FBXW8: variants seen among roughly 807,000 people sequenced by gnomAD.
FBXW8 encodes F-box/WD repeat-containing protein 8.
FBXW8 carries 57 observed loss-of-function variants against 65.3 expected under a neutral mutation model. The observed-to-expected ratio is 0.87, with a 90% CI of 0.71 to 1.09. The LOEUF is 1.09. FBXW8 is among the 50% of genes least tolerant of loss of function. FBXW8 has a pLI of 0.00. For missense variants in FBXW8, 777 were observed against 814.8 expected (o/e 0.95, Z 0.57); for synonymous variants, 308 against 330.2 (o/e 0.93, Z 0.73).
At chr12:116,912,314 C>T (rs551206574) in intron 1 of FBXW8, among the ~76,000 whole-genome samples, 59 of 151,970 alleles carry the variant, frequency 3.9e-4, no homozygotes, top group Non-Finnish European at 7.7e-4. Flanking sequence ...CAGCATCCCG[C>T]GTAGCTGGGA....
intron 5 of FBXW8, among the ~76,000 whole-genome samples, chr12:116,982,186 T>C (rs1057246301): frequency 2.6e-5 from 4 of 152,174 alleles, no homozygotes; most frequent in African/African-American, 9.7e-5. Context: ...CCCAACCTTA[T>C]GAATAATCAC....
intron 7 of FBXW8, among the ~76,000 whole-genome samples, chr12:117,005,497 G>A (rs1953653669): frequency 6.6e-6 from 1 of 152,218 alleles, no homozygotes; most frequent in African/African-American, 2.4e-5. Flanking sequence ...GTGGTGCTTG[G>A]TAATAGTGCT....
chr12:116,926,903 A>G (rs1265108651), intron 1 of FBXW8, among the ~76,000 whole-genome samples: 1 of 152,172 alleles, frequency 6.6e-6, no homozygotes, highest in Non-Finnish European at 1.5e-5. Flanking sequence ...GGTAGGGTCT[A>G]AATCAGTGCT....
chr12:117,024,290 T>C lies in FBXW8; in HGVS notation c.1511T>C (p.Met504Thr), dbSNP rs143179786. 2.0e-5 allele frequency: 32 copies of C among 1,614,198 alleles called. No individual in the cohort carries two copies. The African/African-American group carries it at 3.7e-4, about 19-fold the overall frequency. ...CTGGTGTCCGTGTGGGATTATCGGATGAACCAGAAGCTGTGGGAGGTGTAT... is the reference window on the plus strand; with the variant it reads ...CTGGTGTCCGTGTGGGATTATCGGACGAACCAGAAGCTGTGGGAGGTGTAT... Reference protein sequence around the residue: ...EGLVSVWDYRMNQKLWEVYSG... With the variant: ...EGLVSVWDYRTNQKLWEVYSG... Residue 504 changes from methionine (M) to threonine (T), a missense_variant, in exon 9 of 11, where the codon ATG (methionine) becomes ACG (threonine). Physicochemically the swap from Met to Thr is moderately conservative, Grantham distance 81 (BLOSUM62 -1). Coordinates refer to ENST00000652555, the MANE Select transcript of FBXW8 (RefSeq NM_153348.3).
intron 1 of FBXW8, among the ~76,000 whole-genome samples, chr12:116,920,370 T>C (rs911224547): frequency 1.3e-5 from 2 of 152,220 alleles, no homozygotes; most frequent in African/African-American, 4.8e-5. Context: ...GTCTTCTTGG[T>C]ACCAGCCACT....
At chr12:116,921,969 A>C (rs1880947586) in intron 1 of FBXW8, among the ~76,000 whole-genome samples, 1 of 151,764 alleles carries the variant, frequency 6.6e-6, no homozygotes, top group Admixed American at 6.6e-5. Context: ...CTGGAACTAC[A>C]GGTGCATGCC....
intron 4 of FBXW8, 116 bp from the exon 5 acceptor site, chr12:116,964,581 T>G: frequency 8.4e-7 from 1 of 1,184,978 alleles, no homozygotes; most frequent in South Asian, 1.4e-5. Flanking sequence ...GCCTCAGCAG[T>G]GGCTCTACAC....
chr12:116,931,783 T>G, intron 2 of FBXW8, among the ~76,000 whole-genome samples: 1 of 152,190 alleles, frequency 6.6e-6, no homozygotes, highest in East Asian at 1.9e-4. Context: ...TGTTTATGTT[T>G]ATATTGTCTG....
chr12:116,918,982 A>G (rs947265513), intron 1 of FBXW8, among the ~76,000 whole-genome samples: 19 of 152,258 alleles, frequency 1.2e-4, no homozygotes, highest in Admixed American at 1.0e-3. Context: ...TTTCCTATAT[A>G]CACAGAGCAA....
intron 7 of FBXW8, among the ~76,000 whole-genome samples, chr12:117,005,590 G>A (rs1051725683): frequency 3.9e-5 from 6 of 152,342 alleles, no homozygotes; most frequent in African/African-American, 1.4e-4. Context: ...AGAGCCGGAA[G>A]AAGATAAGAC....
intron 7 of FBXW8, among the ~76,000 whole-genome samples, chr12:117,008,890 C>T (rs931364315): frequency 1.3e-5 from 2 of 152,112 alleles, no homozygotes; most frequent in African/African-American, 4.8e-5. Flanking sequence ...CACTTGAGGT[C>T]AGGAGATCGA....
intron 1 of FBXW8, among the ~76,000 whole-genome samples, chr12:116,920,779 G>A (rs547040105): frequency 6.6e-5 from 10 of 152,238 alleles, no homozygotes; most frequent in Admixed American, 2.0e-4. Flanking sequence ...TGACCAACAG[G>A]CCCCCCAAAT....
chr12:116,979,126 T>C (rs1400661389), intron 5 of FBXW8: 1 of 152,270 alleles, frequency 6.6e-6, no homozygotes, highest in Admixed American at 6.5e-5. Context: ...CAAGTACCAT[T>C]AGACAGAGGT....
At chr12:116,970,194 A>T (rs1884568040) in intron 5 of FBXW8, among the ~76,000 whole-genome samples, 1 of 152,070 alleles carries the variant, frequency 6.6e-6, no homozygotes, top group Non-Finnish European at 1.5e-5. Context: ...TTGTCTTGAA[A>T]TCTCGCTCTT....
At chr12:116,927,086 G>T (rs1052877292) in intron 1 of FBXW8, among the ~76,000 whole-genome samples, 3 of 152,134 alleles carry the variant, frequency 2.0e-5, no homozygotes, top group African/African-American at 7.2e-5. Context: ...AGTGCTGTTG[G>T]GACACAGAGT....
At chr12:116,919,609 A>G (rs1325770367) in intron 1 of FBXW8, among the ~76,000 whole-genome samples, 1 of 152,166 alleles carries the variant, frequency 6.6e-6, no homozygotes, top group Non-Finnish European at 1.5e-5. Context: ...CCTCTTGTGA[A>G]TCCCTGGAGG....
intron 6 of FBXW8, 74 bp downstream of exon 6, chr12:116,985,476 G>C: frequency 6.9e-7 from 1 of 1,446,378 alleles, no homozygotes; most frequent in East Asian, 2.3e-5. Flanking sequence ...CGTACTAATG[G>C]TGTTGGTAAC....
Position 117,028,427 on chromosome 12 carries a change from T to G in FBXW8, c.*255T>G, listed in dbSNP as rs946404773. On this transcript the variant is annotated 3_prime_UTR_variant, in exon 11 of 11. Transcript: ENST00000652555. This position sits in a 1 kb window ranked among gnomAD's most constrained non-coding sequence, Gnocchi z 4.1. ...TCCTTCCCCACCCAGCTGGCCACCC[T>G]GGCCTCAGCTCCCTCAGGACGCCTC... is the stretch of plus-strand genomic sequence containing the variant. 2 of 524,732 alleles carry G rather than the reference T, an allele frequency of 3.8e-6. No homozygotes were observed. The highest frequency in any genetic ancestry group is 3.2e-5 in the Admixed American group (1 of 31,518). 32.5% of individuals were successfully genotyped at this position (524,732 alleles called of 1,614,324 possible). A position where few individuals can be genotyped will look rare whatever the true frequency, so the allele number is the denominator to read the frequency against.
At chr12:116,921,765 C>G (rs138129688) in intron 1 of FBXW8, among the ~76,000 whole-genome samples, 2 of 143,276 alleles carry the variant, frequency 1.4e-5, no homozygotes, top group African/African-American at 5.2e-5. Context: ...AAATAAAAGT[C>G]TTTAGTAATA....
Sources: gnomAD v4.1 joint callset for allele counts (sites outside exome capture counted in the v4.1 genomes callset) on GRCh38, gnomAD v4.1.1 for gene constraint, Gnocchi (gnomAD v3.1) non-coding constraint, MANE v1.5 for transcripts, NCBI Gene and HGNC (gene_info 2026-07-23, HGNC 2026-07-21) for gene names.